Variants in PDZRN3 observed in about 807,000 individuals in gnomAD.
PDZRN3 encodes the protein E3 ubiquitin-protein ligase PDZRN3.
Under a neutral mutation model 85.7 loss-of-function variants are expected in PDZRN3, and 38 were observed. That is an observed-to-expected ratio of 0.44 (90% CI 0.34 to 0.58). PDZRN3 has a LOEUF of 0.58. Ranked by LOEUF, PDZRN3 falls within the 20% of genes least tolerant of loss-of-function variation. The pLI is 0.01. For synonymous variants in PDZRN3, 759 were observed against 638.0 expected (o/e 1.19, Z -2.86); for missense variants, 1,629 against 1,506.4 (o/e 1.08, Z -1.35).
chr3:73,527,070 T>C (rs551596338), intron 3 of PDZRN3, among the ~76,000 whole-genome samples: 7 of 152,300 alleles, frequency 4.6e-5, no homozygotes, highest in East Asian at 1.9e-4. Context: ...CTCAAACTCC[T>C]GACCTCAGTC....
intron 3 of PDZRN3, among the ~76,000 whole-genome samples, chr3:73,524,081 C>T (rs943597917): frequency 1.3e-5 from 2 of 152,166 alleles, no homozygotes; most frequent in Non-Finnish European, 2.9e-5. Context: ...TCTCCTTTCA[C>T]AAGGCACTAT....
intron 3 of PDZRN3, among the ~76,000 whole-genome samples, chr3:73,468,275 G>T (rs1448622964): frequency 6.6e-6 from 1 of 152,122 alleles, no homozygotes; most frequent in East Asian, 1.9e-4. Context: ...AGCTGGAAAA[G>T]TCAAGGAAAC....
At position 73,587,887 on chromosome 3, in the gene PDZRN3, C is replaced by G. The variant is rs542404810; in HGVS notation, c.918+14467G>C. Among the ~76,000 whole-genome samples the G allele has an allele frequency of 2.0e-5, 3 of 152,336 alleles. No individual in the cohort carries two copies. The South Asian group carries it at 6.2e-4, about 32-fold the overall frequency. ...ACTCCATTGTCAATCTCTAACCCATCTGCTTACATCTAGAGCACAGAGTCA... is the reference window on the plus strand; with the variant it reads ...ACTCCATTGTCAATCTCTAACCCATGTGCTTACATCTAGAGCACAGAGTCA... On this transcript the variant is annotated intron_variant, in intron 3 of 9. Transcript: ENST00000263666.
At chr3:73,392,625 A>G (rs1402377434) in intron 5 of PDZRN3, among the ~76,000 whole-genome samples, 1 of 152,184 alleles carries the variant, frequency 6.6e-6, no homozygotes, top group African/African-American at 2.4e-5. Flanking sequence ...GTAGTATAAT[A>G]ATTACATGCA....
intron 3 of PDZRN3, among the ~76,000 whole-genome samples, chr3:73,574,457 T>TGGGGGGGGGGGGGGGGGG (rs72092693): frequency 8.3e-6 from 1 of 120,910 alleles, no homozygotes; most frequent in Non-Finnish European, 1.7e-5. Flanking sequence ...TTGGCTGGGG[T>TGGGGGGGGGGGGGGGGGG]GGGGGGGGTG....
At chr3:73,582,986 A>G (rs1342901139) in intron 3 of PDZRN3, among the ~76,000 whole-genome samples, 1 of 152,194 alleles carries the variant, frequency 6.6e-6, no homozygotes, top group Non-Finnish European at 1.5e-5. Context: ...GGACCAACTC[A>G]CTGCCTGAGC....
intron 3 of PDZRN3, among the ~76,000 whole-genome samples, chr3:73,543,897 A>C (rs1167144826): frequency 1.3e-5 from 2 of 152,244 alleles, no homozygotes; most frequent in Non-Finnish European, 2.9e-5. Flanking sequence ...CATTACAAAA[A>C]GTTTAAAAAA....
At chr3:73,450,671 G>A (rs1293303697) in intron 3 of PDZRN3, among the ~76,000 whole-genome samples, 1 of 152,186 alleles carries the variant, frequency 6.6e-6, no homozygotes, top group African/African-American at 2.4e-5. Flanking sequence ...TAGGGTACAA[G>A]TTTAAATTCC....
intron 3 of PDZRN3, among the ~76,000 whole-genome samples, chr3:73,579,824 G>GTC (rs562787483): frequency 1.4e-4 from 22 of 152,132 alleles, no homozygotes; most frequent in African/African-American, 4.8e-4. Flanking sequence ...TGTATGGAGT[G>GTC]TCTCTGTGTG....
intron 1 of PDZRN3, among the ~76,000 whole-genome samples, chr3:73,617,854 C>T (rs897913651): frequency 1.2e-4 from 19 of 152,164 alleles, no homozygotes; most frequent in African/African-American, 4.6e-4. Context: ...TACAGGTGTG[C>T]ACCAGCACAC....
intron 3 of PDZRN3, among the ~76,000 whole-genome samples, chr3:73,533,361 A>T (rs1704703552): frequency 6.6e-6 from 1 of 152,172 alleles, no homozygotes; most frequent in South Asian, 2.1e-4. Flanking sequence ...ACTTCCTCCC[A>T]AAACTTCTAC....
At chr3:73,400,696 TA>T (rs1701730864) in intron 5 of PDZRN3, among the ~76,000 whole-genome samples, 1 of 152,172 alleles carries the variant, frequency 6.6e-6, no homozygotes, top group South Asian at 2.1e-4. Context: ...TGATTCAAAT[TA>T]AAAAAAGTTT....
chr3:73,434,506 G>C (rs1285286067), intron 3 of PDZRN3, among the ~76,000 whole-genome samples: 1 of 152,196 alleles, frequency 6.6e-6, no homozygotes, highest in Non-Finnish European at 1.5e-5. Flanking sequence ...TATAAGGAGA[G>C]AGGCTGCCCT....
intron 3 of PDZRN3, among the ~76,000 whole-genome samples, chr3:73,571,345 G>A (rs1308081472): frequency 1.3e-5 from 2 of 152,116 alleles, no homozygotes; most frequent in African/African-American, 4.8e-5. Flanking sequence ...TCGTGCCTTT[G>A]TGACAAAACC....
chr3:73,580,649 C>T (rs1702187372), intron 3 of PDZRN3, among the ~76,000 whole-genome samples: 1 of 152,224 alleles, frequency 6.6e-6, no homozygotes, highest in Non-Finnish European at 1.5e-5. Flanking sequence ...GGTTTAGTGA[C>T]TCAAGTAACA....
intron 1 of PDZRN3, among the ~76,000 whole-genome samples, chr3:73,616,750 A>C (rs948815274): frequency 2.0e-5 from 3 of 152,214 alleles, no homozygotes; most frequent in African/African-American, 7.2e-5. Context: ...ATGCTTGATA[A>C]GACTTACTGT....
At chr3:73,602,284 C>T in intron 3 of PDZRN3, 70 bp downstream of exon 3, 1 of 843,368 alleles carries the variant, frequency 1.2e-6, no homozygotes, top group Non-Finnish European at 2.0e-6. Context: ...AGTCAAACAT[C>T]TTGCTTTGAG....
intron 3 of PDZRN3, among the ~76,000 whole-genome samples, chr3:73,420,495 C>T (rs1702177941): frequency 6.6e-6 from 1 of 152,176 alleles, no homozygotes; most frequent in African/African-American, 2.4e-5. Flanking sequence ...TGCATATTTC[C>T]ACCACCATAT....
intron 3 of PDZRN3, among the ~76,000 whole-genome samples, chr3:73,512,311 A>G (rs1704180361): frequency 2.0e-5 from 3 of 152,226 alleles, no homozygotes; most frequent in Admixed American, 1.3e-4. Flanking sequence ...TTACATTTCA[A>G]AACAGATGAT....
Sources: gnomAD v4.1 joint callset for allele counts (sites outside exome capture counted in the v4.1 genomes callset) on GRCh38, gnomAD v4.1.1 for gene constraint, MANE v1.5 for transcripts, NCBI Gene and HGNC (gene_info 2026-07-23, HGNC 2026-07-21) for gene names.